Variants in RTBDN observed in about 807,000 individuals in gnomAD.
RTBDN encodes the protein retbindin.
A neutral mutation model predicts 21.9 loss-of-function variants in RTBDN; 24 were observed. The ratio of observed to expected loss-of-function variants is 1.10; its 90% CI spans 0.79 to 1.54. The LOEUF (loss-of-function observed/expected upper bound fraction) is 1.54, where lower values mean the gene tolerates loss of function less well. RTBDN is among the 40% of genes most tolerant of loss of function. The probability of loss-of-function intolerance (pLI) is 0.00; values close to 1 mark genes in which losing one functional copy is unlikely to be tolerated. For missense variants in RTBDN, 325 were observed against 315.2 expected (o/e 1.03, Z -0.23); for synonymous variants, 141 against 125.9 (o/e 1.12, Z -0.80).
Position 12,825,702 on chromosome 19 carries a change from T to C in RTBDN, c.*4A>G. On this transcript the variant is annotated 3_prime_UTR_variant, in exon 6 of 6. Transcript: ENST00000674343. Reference sequence around the variant, plus strand: ...CGCTCCCCCAACTCAGGGCCACGCGTCCGCTAGGGGCCGCTGCCGCTTCCA... The same window carrying C: ...CGCTCCCCCAACTCAGGGCCACGCGCCCGCTAGGGGCCGCTGCCGCTTCCA... The C allele has an allele frequency of 6.4e-7, 1 of 1,559,154 alleles. No individual in the cohort carries two copies.
chr19:12,834,176 A>G lies in RTBDN; in HGVS notation c.-19+313T>C, dbSNP rs1217117491. Among the ~76,000 whole-genome samples the G allele has an allele frequency of 5.3e-5, 8 of 151,736 alleles. No individual in the cohort carries two copies. In the East Asian group the frequency reaches 1.6e-3, roughly 30 times the overall value. ...GGCCGCGCGTCCCGCCGCGCTGGGG[A>G]CCCCGCCCCTCAGGCGCCGCCCGGC... is the stretch of plus-strand genomic sequence containing the variant. On this transcript the variant is annotated intron_variant, in intron 1 of 5. Coordinates refer to ENST00000674343, the MANE Select transcript of RTBDN (RefSeq NM_001270441.2). The surrounding 1 kb of genome is among the most constrained non-coding windows in gnomAD (Gnocchi z 4.7).
Position 12,830,460 on chromosome 19 carries a change from AG to A in RTBDN, c.-18-464del. 15 of 987,654 alleles carry A rather than the reference AG, an allele frequency of 1.5e-5. No individual in the cohort carries two copies. The highest frequency in any genetic ancestry group is 1.8e-5 in the Non-Finnish European group (15 of 831,376). 61.2% of individuals were successfully genotyped at this position (987,654 alleles called of 1,614,324 possible). A position where few individuals can be genotyped will look rare whatever the true frequency, so the allele number is the denominator to read the frequency against. On this transcript the variant is annotated intron_variant, in intron 1 of 5. Coordinates refer to ENST00000674343, the MANE Select transcript of RTBDN (RefSeq NM_001270441.2). This position sits in a 1 kb window ranked among gnomAD's most constrained non-coding sequence, Gnocchi z 4.2. ...CCTTCTCTCGGCCCACAATCGGCTTAGGGGCCACCCAGAGCTGGACCTTTGG... is the reference window on the plus strand; with the variant it reads ...CCTTCTCTCGGCCCACAATCGGCTTAGGGCCACCCAGAGCTGGACCTTTGG...
chr19:12,828,921 C>G lies in RTBDN; in HGVS notation c.202G>C (p.Glu68Gln). ...GGATGGTTTCCAGGGCCCGATGTCT[C>G]TGTTGTGTCCATCTCTGAGGGACAA... ...PCCPSEMDTT[E>Q]TSGPGNHPER... The change falls in exon 3 of 6, where the codon GAG becomes CAG. Residue 68 changes from glutamate (E) to glutamine (Q), a missense_variant. Glu to Gln is a conservative substitution (Grantham distance 29). Coordinates refer to ENST00000674343, the MANE Select transcript of RTBDN (RefSeq NM_001270441.2). 2 of 1,614,174 alleles carry G rather than the reference C, an allele frequency of 1.2e-6. No homozygotes were observed. The highest frequency in any genetic ancestry group is 1.7e-6 in the Non-Finnish European group (2 of 1,180,040).
chr19:12,828,207 C>T (rs948896654), intron 4 of RTBDN, among the ~76,000 whole-genome samples: 1 of 151,748 alleles, frequency 6.6e-6, no homozygotes, highest in Admixed American at 6.6e-5. Context: ...ACCAGCCTGA[C>T]CAACATAGTG....
rs1403606165 is a variant in RTBDN at position 12,826,809 on chromosome 19, C to CT, written c.427dup (p.Arg143LysfsTer4). ...GGTAAGGCAGCTGGGCTCACAGCCCCTTTTTTCTGAGAGTGGGAGCCAAGT... is the reference window on the plus strand; with the variant it reads ...GGTAAGGCAGCTGGGCTCACAGCCCCTTTTTTTCTGAGAGTGGGAGCCAAGT... On this transcript the variant is annotated frameshift_variant, in exon 5 of 6. Coordinates refer to ENST00000674343, the MANE Select transcript of RTBDN (RefSeq NM_001270441.2). LOFTEE classifies it low-confidence loss of function (END_TRUNC). 6.4e-7 allele frequency: 1 copy of CT among 1,555,242 alleles called. No homozygotes were observed. The highest frequency in any genetic ancestry group is 1.4e-5 in the African/African-American group (1 of 73,270).
In RTBDN at chr19:12,830,555, A is replaced by T; in HGVS notation, c.-18-558T>A. The stretch of plus-strand genomic sequence containing the variant: ...CCAAAGCCCCGAGGCAGGGACAGCT[A>T]GCGGTCTGTGGAGACAAGACTGTCC... On this transcript the variant is annotated intron_variant, in intron 1 of 5. Coordinates refer to ENST00000674343, the MANE Select transcript of RTBDN (RefSeq NM_001270441.2). This position sits in a 1 kb window ranked among gnomAD's most constrained non-coding sequence, Gnocchi z 4.2. 1 of 984,002 alleles carries T rather than the reference A, an allele frequency of 1.0e-6. No homozygotes were observed. The highest frequency in any genetic ancestry group is 1.2e-6 in the Non-Finnish European group (1 of 828,552). 61.0% of individuals were successfully genotyped at this position (984,002 alleles called of 1,614,324 possible). A position where few individuals can be genotyped will look rare whatever the true frequency, so the allele number is the denominator to read the frequency against.
At position 12,826,849 on chromosome 19, in the gene RTBDN, T is replaced by C; in HGVS notation, c.388A>G (p.Ile130Val). ...QAWFANCEDD[I>V]TCGPTWLPLS... Reference sequence around the variant, plus strand: ...GGGAGCCAAGTCGGGCCGCAGGTGATATCATCTTCGCAGTTGGCGAACCTG... The same window carrying C: ...GGGAGCCAAGTCGGGCCGCAGGTGACATCATCTTCGCAGTTGGCGAACCTG... The change falls in exon 5 of 6, where the codon ATC becomes GTC. Residue 130 changes from isoleucine to valine, a missense_variant. By Grantham distance (29) the Ile-to-Val change is conservative. Coordinates refer to ENST00000674343, the MANE Select transcript of RTBDN (RefSeq NM_001270441.2). 1 of 1,552,616 alleles carries C rather than the reference T, an allele frequency of 6.4e-7. No individual in the cohort carries two copies. Among genetic ancestry groups the C allele is most frequent in the Admixed American group, 1.9e-5 (1 of 51,332 alleles).
At chr19:12,826,323 G>T in intron 5 of RTBDN, 1 of 1,223,728 alleles carries the variant, frequency 8.2e-7, no homozygotes, top group Non-Finnish European at 1.0e-6. Context: ...CCCAGTAGGA[G>T]GTTGGGCTAG....
At chr19:12,833,527 CT>C (rs1235277916) in intron 1 of RTBDN, among the ~76,000 whole-genome samples, 6 of 151,938 alleles carry the variant, frequency 3.9e-5, no homozygotes, top group African/African-American at 9.7e-5. Flanking sequence ...CTATCTCCCC[CT>C]GGGAATGTGT....
At chr19:12,827,467 C>T (rs981543500) in intron 4 of RTBDN, among the ~76,000 whole-genome samples, 4 of 151,662 alleles carry the variant, frequency 2.6e-5, no homozygotes, top group Non-Finnish European at 2.9e-5. Flanking sequence ...GGATTACAGG[C>T]GCCCACCACC....
chr19:12,831,058 A>G lies in RTBDN; in HGVS notation c.-18-1061T>C, dbSNP rs1008374667. On this transcript the variant is annotated intron_variant, in intron 1 of 5. Coordinates refer to ENST00000674343, the MANE Select transcript of RTBDN (RefSeq NM_001270441.2). Reference sequence around the variant, plus strand: ...TGTGTGTGTGTGTGTGTGTGTGTGTATACGTTCAGAATCTGGGGGAGGATT... The same window carrying G: ...TGTGTGTGTGTGTGTGTGTGTGTGTGTACGTTCAGAATCTGGGGGAGGATT... Among the ~76,000 whole-genome samples, 36 of 136,844 alleles carry G rather than the reference A, an allele frequency of 2.6e-4. No homozygotes were observed. The East Asian group carries it at 4.3e-3, about 16-fold the overall frequency. The allele number at this position is 136,844 out of a possible 152,430, so 89.8% of individuals were successfully genotyped here.
intron 5 of RTBDN, chr19:12,826,167 G>A (rs745429647): frequency 1.9e-4 from 259 of 1,378,774 alleles, no homozygotes; most frequent in Non-Finnish European, 2.4e-4. Context: ...GGCGCGCAGA[G>A]AGGTCTGTAT....
rs538594967 is a variant in RTBDN, at chr19:12,829,685, A to C, written c.169+126T>G. ...TAATTCTTATCCACCATTCTTCAGC[A>C]CTATCCGTGCCTCCCACCTTGGTGG... On this transcript the variant is annotated intron_variant, in intron 2 of 5. Transcript: ENST00000674343. 17 of 904,264 alleles carry C rather than the reference A, an allele frequency of 1.9e-5. No homozygotes were observed. The Admixed American group carries it at 3.5e-4, about 19-fold the overall frequency. The allele number at this position is 904,264 out of a possible 1,614,324, so 56.0% of individuals were successfully genotyped here.
chr19:12,834,775 G>A (rs373700907), upstream of RTBDN: 3 of 1,613,824 alleles, frequency 1.9e-6, no homozygotes, highest in Non-Finnish European at 2.5e-6. This position sits in a 1 kb window ranked among gnomAD's most constrained non-coding sequence, Gnocchi z 4.7. Context: ...CAGGTGTCAG[G>A]AGCTCCTACC....
chr19:12,829,275 C>T (rs1359449747), intron 2 of RTBDN, among the ~76,000 whole-genome samples: 2 of 151,484 alleles, frequency 1.3e-5, no homozygotes, highest in African/African-American at 2.4e-5. Flanking sequence ...GATCTTGGCT[C>T]ACTGCAACCT....
Position 12,829,849 on chromosome 19 carries a change from A to G in RTBDN, c.131T>C (p.Leu44Pro). 1.2e-6 allele frequency: 2 copies of G among 1,613,924 alleles called. No individual in the cohort carries two copies. The highest frequency in any genetic ancestry group is 1.7e-6 in the Non-Finnish European group (2 of 1,179,814). The change falls in exon 2 of 6, where the codon CTG (leucine) becomes CCG (proline). Residue 44 changes from leucine to proline, a missense_variant. By Grantham distance (98) the Leu-to-Pro change is moderately conservative. Coordinates refer to ENST00000674343, the MANE Select transcript of RTBDN (RefSeq NM_001270441.2). The stretch of plus-strand genomic sequence containing the variant: ...CTTGCCTTTGCCCAGATCAGCTGCC[A>G]GCCCATGGTGTTGCTGGGACCTGGC... ...LQARSQQHHG[L>P]AADLGKGKLH...
At chr19:12,834,653 A>G (rs1186605227), upstream of RTBDN, 4 of 1,528,170 alleles carry the variant, frequency 2.6e-6, no homozygotes, top group Admixed American at 5.7e-5. This position sits in a 1 kb window ranked among gnomAD's most constrained non-coding sequence, Gnocchi z 4.7. Context: ...AGCTCCTTGC[A>G]GCCTTAGAAG....
chr19:12,830,045 G>T lies in RTBDN; in HGVS notation c.-18-48C>A. On this transcript the variant is annotated intron_variant, in intron 1 of 5. Coordinates refer to ENST00000674343, the MANE Select transcript of RTBDN (RefSeq NM_001270441.2). This position sits in a 1 kb window ranked among gnomAD's most constrained non-coding sequence, Gnocchi z 4.2. ...CAGCCATCCCTTTCTGTGAGCTTAG[G>T]GTGGCACCCACCCAGTGCATACCCA... 6.4e-7 allele frequency: 1 copy of T among 1,567,992 alleles called. No homozygotes were observed. The highest frequency in any genetic ancestry group is 8.7e-7 in the Non-Finnish European group (1 of 1,148,286).
At chr19:12,828,623 C>G (rs1339112349) in intron 4 of RTBDN, 34 bp downstream of exon 4, 1 of 1,548,422 alleles carries the variant, frequency 6.5e-7, no homozygotes, top group East Asian at 2.3e-5. Context: ...CCGCCCAAGT[C>G]ACAACCCACG....
Sources: allele counts gnomAD v4.1 joint callset (sites outside exome capture counted in the v4.1 genomes callset), GRCh38; gene constraint gnomAD v4.1.1; non-coding constraint Gnocchi (gnomAD v3.1); transcripts MANE v1.5; gene names NCBI Gene and HGNC (gene_info 2026-07-23, HGNC 2026-07-21).